The following POFUT3 variants were observed in gnomAD, a reference collection of about 807,000 sequenced individuals.
POFUT3 encodes GDP-fucose protein O-fucosyltransferase 3.
chr8:33,389,169 A>G, the POFUT3 span: 2 of 1,614,152 alleles, frequency 1.2e-6, no homozygotes, highest in East Asian at 4.5e-5. Flanking sequence ...CGTCTGATGT[A>G]ACTTGCCAGT....
chr8:33,405,793 G>A, the POFUT3 span, among the ~76,000 whole-genome samples: 7 of 152,134 alleles, frequency 4.6e-5, no homozygotes, highest in Admixed American at 3.9e-4. Context: ...AAGCTTTTCT[G>A]AGAAGTTTTA....
chr8:33,435,126 C>A, the POFUT3 span, among the ~76,000 whole-genome samples: 4 of 152,312 alleles, frequency 2.6e-5, no homozygotes, highest in African/African-American at 9.6e-5. Flanking sequence ...CATGACTATG[C>A]TCCCTGGTGA....
chr8:33,312,845 G>A, the POFUT3 span, among the ~76,000 whole-genome samples: 82 of 151,966 alleles, frequency 5.4e-4, no homozygotes, highest in Non-Finnish European at 9.6e-4. Context: ...CCTCCTCCTG[G>A]CTAGACATTT....
At chr8:33,372,310 A>G in the POFUT3 span, 26 of 1,180,458 alleles carry the variant, frequency 2.2e-5, no homozygotes, top group Non-Finnish European at 2.7e-5. Flanking sequence ...CACAAAAGGC[A>G]GTAAGTATGT....
the POFUT3 span, among the ~76,000 whole-genome samples, chr8:33,399,025 T>C: frequency 2.2e-5 from 3 of 137,690 alleles, no homozygotes; most frequent in Middle Eastern, 0.011. Flanking sequence ...AAGAAGGGCT[T>C]TTTCTAGTTT....
At chr8:33,468,161 A>T in the POFUT3 span, among the ~76,000 whole-genome samples, 1 of 151,674 alleles carries the variant, frequency 6.6e-6, no homozygotes, top group Non-Finnish European at 1.5e-5. Context: ...AATCCCTTGA[A>T]CCTGGGAGGC....
chr8:33,409,911 TAAAAAA>T, the POFUT3 span, among the ~76,000 whole-genome samples: 1 of 146,488 alleles, frequency 6.8e-6, no homozygotes, highest in Non-Finnish European at 1.5e-5. Flanking sequence ...CCTCAAAAAA[TAAAAAA>T]AAAACTATCA....
chr8:33,437,803 C>T, the POFUT3 span, among the ~76,000 whole-genome samples: 1 of 151,708 alleles, frequency 6.6e-6, no homozygotes, highest in East Asian at 1.9e-4. Flanking sequence ...GAGTGAGACT[C>T]CATCTCAAAA....
chr8:33,453,775 G>A, the POFUT3 span, among the ~76,000 whole-genome samples: 6 of 151,960 alleles, frequency 3.9e-5, no homozygotes, highest in African/African-American at 1.5e-4. Context: ...GTGAAACCCC[G>A]ACTCTACTAA....
At chr8:33,338,598 A>G in the POFUT3 span, among the ~76,000 whole-genome samples, 1,879 of 152,270 alleles carry the variant, frequency 0.012, 41 homozygotes, top group African/African-American at 0.043. Context: ...AGGTCTAATG[A>G]AGAGTCATGA....
At chr8:33,443,009 AGG>A in the POFUT3 span, among the ~76,000 whole-genome samples, 1 of 152,096 alleles carries the variant, frequency 6.6e-6, no homozygotes, top group East Asian at 1.9e-4. Flanking sequence ...GCTACTCAGG[AGG>A]CTGAGATGGG....
chr8:33,346,701 A>G, the POFUT3 span, among the ~76,000 whole-genome samples: 1 of 152,190 alleles, frequency 6.6e-6, no homozygotes, highest in Non-Finnish European at 1.5e-5. Context: ...CAGGGCCATA[A>G]GTAAAAATGT....
chr8:33,318,645 GTATATATATTTATATAATATATAAATATA>G, the POFUT3 span, among the ~76,000 whole-genome samples: 1 of 60,870 alleles, frequency 1.6e-5, no homozygotes, highest in Non-Finnish European at 2.8e-5. Context: ...TAAATATATT[GTATATATATTTATATAATATATAAATATA>G]TTGTATATAT....
the POFUT3 span, among the ~76,000 whole-genome samples, chr8:33,336,242 A>T: frequency 6.6e-6 from 1 of 152,172 alleles, no homozygotes. Context: ...TACTCCCATC[A>T]TGACTGGCTT....
the POFUT3 span, among the ~76,000 whole-genome samples, chr8:33,317,793 T>G: frequency 6.6e-6 from 1 of 152,016 alleles, no homozygotes; most frequent in Non-Finnish European, 1.5e-5. Context: ...CACCCACTCA[T>G]CAAGCTGTCC....
chr8:33,325,223 C>G, the POFUT3 span, among the ~76,000 whole-genome samples: 1 of 152,160 alleles, frequency 6.6e-6, no homozygotes, highest in African/African-American at 2.4e-5. Flanking sequence ...CTGTGTCTTG[C>G]TGATTTTGGT....
At chr8:33,466,413 A>G in the POFUT3 span, among the ~76,000 whole-genome samples, 1 of 151,924 alleles carries the variant, frequency 6.6e-6, no homozygotes, top group Non-Finnish European at 1.5e-5. Flanking sequence ...TGGGTAGCAG[A>G]GTGAGACACT....
At chr8:33,356,151 T>C in the POFUT3 span, among the ~76,000 whole-genome samples, 56 of 152,338 alleles carry the variant, frequency 3.7e-4, 1 homozygote, top group South Asian at 7.9e-3. Context: ...TGTGTCTTTA[T>C]AGCAGCATGA....
chr8:33,463,925 T>C, the POFUT3 span, among the ~76,000 whole-genome samples: 1 of 152,038 alleles, frequency 6.6e-6, no homozygotes, highest in Non-Finnish European at 1.5e-5. Context: ...TCACCAAAAG[T>C]GCATTTTTCT....
Sources: gnomAD v4.1 joint callset for allele counts (sites outside exome capture counted in the v4.1 genomes callset) on GRCh38, gnomAD v4.1.1 for gene constraint, MANE v1.5 for transcripts, NCBI Gene and HGNC (gene_info 2026-07-23, HGNC 2026-07-21) for gene names.